The following CALN1 variants were observed in gnomAD, a reference collection of about 807,000 sequenced individuals.
CALN1 encodes calcium-binding protein 8.
In CALN1, 17 loss-of-function variants were observed where a neutral mutation model predicts 30.6. The ratio of observed to expected loss-of-function variants is 0.56; its 90% CI spans 0.38 to 0.83. The LOEUF (loss-of-function observed/expected upper bound fraction) is 0.83, where lower values mean the gene tolerates loss of function less well. Ranked by LOEUF, CALN1 falls within the 40% of genes least tolerant of loss-of-function variation. The pLI is 0.00. For synonymous variants in CALN1, 156 were observed against 131.4 expected (o/e 1.19, Z -1.28); for missense variants, 291 against 354.9 (o/e 0.82, Z 1.45).
chr7:71,948,779 T>C (rs1418745053), intron 5 of CALN1, among the ~76,000 whole-genome samples: 3 of 150,158 alleles, frequency 2.0e-5, no homozygotes, highest in Non-Finnish European at 4.4e-5. Flanking sequence ...CAGTGGCTCA[T>C]GCATGCAATC....
At chr7:72,323,438 T>A (rs187673021) in intron 2 of CALN1, among the ~76,000 whole-genome samples, 208 of 152,228 alleles carry the variant, frequency 1.4e-3, no homozygotes, top group Non-Finnish European at 2.4e-3. Flanking sequence ...CCACGGGCGA[T>A]TGCCTGAGGT....
At chr7:72,048,528 T>C (rs912889232) in intron 4 of CALN1, among the ~76,000 whole-genome samples, 1 of 152,196 alleles carries the variant, frequency 6.6e-6, no homozygotes, top group African/African-American at 2.4e-5. Flanking sequence ...CTGCATGATA[T>C]GAACTTTTTA....
At chr7:72,253,844 A>G (rs1795731655) in intron 3 of CALN1, among the ~76,000 whole-genome samples, 2 of 152,114 alleles carry the variant, frequency 1.3e-5, no homozygotes, top group Non-Finnish European at 2.9e-5. Flanking sequence ...AGGTTCAAGC[A>G]ATTCTCCTGC....
At chr7:72,171,547 A>G (rs963458684) in intron 3 of CALN1, among the ~76,000 whole-genome samples, 4 of 152,244 alleles carry the variant, frequency 2.6e-5, no homozygotes, top group Non-Finnish European at 4.4e-5. Flanking sequence ...AAATAAATCA[A>G]TGAAGGAAAA....
chr7:72,497,614 G>A, the CALN1 span, among the ~76,000 whole-genome samples: 3 of 152,178 alleles, frequency 2.0e-5, no homozygotes. Context: ...AATCAAAACA[G>A]AACCATGAAA....
chr7:71,815,166 G>C (rs1212138087), intron 5 of CALN1, among the ~76,000 whole-genome samples: 1 of 152,082 alleles, frequency 6.6e-6, no homozygotes. Context: ...TATTGGTAAG[G>C]CTTCCAGTCA....
chr7:72,039,854 CA>C (rs950319716), intron 4 of CALN1, among the ~76,000 whole-genome samples: 5 of 152,190 alleles, frequency 3.3e-5, no homozygotes, highest in African/African-American at 1.2e-4. Context: ...CCCCCCCAAG[CA>C]GGCTCCTCCA....
At chr7:72,045,842 A>C (rs752953209) in intron 4 of CALN1, among the ~76,000 whole-genome samples, 5 of 151,954 alleles carry the variant, frequency 3.3e-5, no homozygotes, top group Non-Finnish European at 7.4e-5. Flanking sequence ...TCTACTAAAA[A>C]TACAAAAATT....
chr7:71,841,848 G>A (rs1443135593), intron 5 of CALN1, among the ~76,000 whole-genome samples: 1 of 152,062 alleles, frequency 6.6e-6, no homozygotes, highest in African/African-American at 2.4e-5. Flanking sequence ...GGGACTACTA[G>A]ATTAGGGACA....
the CALN1 span, among the ~76,000 whole-genome samples, chr7:72,473,119 GT>G: frequency 1.0e-3 from 145 of 143,318 alleles, no homozygotes; most frequent in Admixed American, 1.5e-3. Context: ...TGTTCTTTTT[GT>G]TTTTTTTTTT....
intron 3 of CALN1, among the ~76,000 whole-genome samples, chr7:72,164,197 A>G (rs1485595757): frequency 6.6e-6 from 1 of 151,780 alleles, no homozygotes; most frequent in African/African-American, 2.4e-5. Flanking sequence ...GCTAAACCTC[A>G]TCTCTACTAA....
At chr7:72,041,020 G>T (rs1313763170) in intron 4 of CALN1, among the ~76,000 whole-genome samples, 1 of 152,120 alleles carries the variant, frequency 6.6e-6, no homozygotes, top group African/African-American at 2.4e-5. Flanking sequence ...GCTTGAGGGT[G>T]GTCTAGCATG....
chr7:71,820,769 C>T (rs564461930), intron 5 of CALN1, among the ~76,000 whole-genome samples: 1 of 152,252 alleles, frequency 6.6e-6, no homozygotes, highest in African/African-American at 2.4e-5. Flanking sequence ...AGAGAAATTA[C>T]TTGATCAGGT....
At chr7:72,284,306 TTAAA>T (rs1182238534) in intron 2 of CALN1, among the ~76,000 whole-genome samples, 1 of 152,126 alleles carries the variant, frequency 6.6e-6, no homozygotes, top group Non-Finnish European at 1.5e-5. Flanking sequence ...AAAAAGTTAA[TTAAA>T]TAAATAAACT....
rs553728726 is a variant in CALN1, at chr7:72,382,933, T to A, written c.119+20318A>T. ...CCTCCCAAGTAGCTGGGACTACAGG[T>A]GCACGCCTCTACGCCCAGCTAATTT... On this transcript the variant is annotated intron_variant, in intron 2 of 6. Transcript: ENST00000395275. Among the ~76,000 whole-genome samples the A allele has an allele frequency of 2.6e-5, 4 of 152,184 alleles. No homozygotes were observed. The East Asian group carries it at 5.8e-4, about 22-fold the overall frequency.
At chr7:72,120,949 G>A (rs2129542196) in intron 3 of CALN1, among the ~76,000 whole-genome samples, 1 of 152,018 alleles carries the variant, frequency 6.6e-6, no homozygotes, top group South Asian at 2.1e-4. Flanking sequence ...GGGGAAAAGG[G>A]CTCCCCTGAA....
At chr7:72,442,672 T>C (rs1457170592) in intron 1 of CALN1, among the ~76,000 whole-genome samples, 1 of 152,232 alleles carries the variant, frequency 6.6e-6, no homozygotes, top group Admixed American at 6.5e-5. Flanking sequence ...GTTGCACTTA[T>C]TTAAGATTGC....
At chr7:72,249,556 C>T (rs562143901) in intron 3 of CALN1, among the ~76,000 whole-genome samples, 1 of 141,078 alleles carries the variant, frequency 7.1e-6, no homozygotes, top group East Asian at 2.0e-4. Context: ...TAATCACAGC[C>T]TTTGGGAGGC....
At chr7:72,351,589 A>G (rs1337174125) in intron 2 of CALN1, among the ~76,000 whole-genome samples, 1 of 152,214 alleles carries the variant, frequency 6.6e-6, no homozygotes, top group East Asian at 1.9e-4. Flanking sequence ...ATATACTATT[A>G]AAAGATAGTC....
Sources: allele counts gnomAD v4.1 joint callset (sites outside exome capture counted in the v4.1 genomes callset), GRCh38; gene constraint gnomAD v4.1.1; transcripts MANE v1.5; gene names NCBI Gene and HGNC (gene_info 2026-07-23, HGNC 2026-07-21).